The following AGBL4 variants were observed in gnomAD, a reference collection of about 807,000 sequenced individuals.
AGBL4 encodes cytosolic carboxypeptidase 6.
Under a neutral mutation model 66.4 loss-of-function variants are expected in AGBL4, and 58 were observed. The ratio of observed to expected loss-of-function variants is 0.87; its 90% confidence interval spans 0.71 to 1.09. The LOEUF is 1.09. Among genes scored for constraint, AGBL4 ranks in the 50% least tolerant of loss-of-function variants. AGBL4 has a pLI of 0.00. For missense variants in AGBL4, 579 were observed against 631.0 expected (o/e 0.92, Z 0.88); for synonymous variants, 234 against 222.9 (o/e 1.05, Z -0.44).
chr1:49,682,490 T>G (rs891365363), intron 3 of AGBL4, among the ~76,000 whole-genome samples: 9 of 152,222 alleles, frequency 5.9e-5, no homozygotes, highest in African/African-American at 2.2e-4. Context: ...TATCTACTAT[T>G]GAAAAATATT....
intron 3 of AGBL4, among the ~76,000 whole-genome samples, chr1:49,507,255 C>G (rs12133186): frequency 0.094 from 14,304 of 151,984 alleles, 930 homozygotes; most frequent in African/African-American, 0.17. Context: ...GGACCAATTA[C>G]CAGCCATATG....
intron 2 of AGBL4, among the ~76,000 whole-genome samples, chr1:49,760,603 GACAGTGTGGCA>G (rs1652232868): frequency 6.6e-6 from 1 of 152,186 alleles, no homozygotes; most frequent in Non-Finnish European, 1.5e-5. Context: ...CACTGTGGAA[GACAGTGTGGCA>G]ATTCCTTAAG....
intron 1 of AGBL4, among the ~76,000 whole-genome samples, chr1:50,009,667 A>C (rs558076167): frequency 5.3e-5 from 8 of 152,006 alleles, no homozygotes; most frequent in Non-Finnish European, 1.2e-4. Context: ...ACCCAGAGCA[A>C]TCAGACATGA....
intron 1 of AGBL4, among the ~76,000 whole-genome samples, chr1:49,944,661 A>C (rs903044924): frequency 5.9e-5 from 9 of 151,336 alleles, no homozygotes; most frequent in African/African-American, 1.7e-4. Flanking sequence ...TTTAACACCC[A>C]AAAAAAAATT....
chr1:49,086,250 G>A (rs1309533290), intron 4 of AGBL4, among the ~76,000 whole-genome samples: 4 of 152,162 alleles, frequency 2.6e-5, no homozygotes, highest in African/African-American at 7.2e-5. Flanking sequence ...CAGACAATAG[G>A]GTAGGCAACC....
intron 6 of AGBL4, among the ~76,000 whole-genome samples, chr1:48,767,115 C>G (rs1384935573): frequency 6.6e-6 from 1 of 152,122 alleles, no homozygotes; most frequent in African/African-American, 2.4e-5. Context: ...GAGAGGGTGG[C>G]CCAGTATCTA....
At chr1:49,038,748 C>T (rs902786303) in intron 5 of AGBL4, among the ~76,000 whole-genome samples, 2 of 152,040 alleles carry the variant, frequency 1.3e-5, no homozygotes, top group Non-Finnish European at 1.5e-5. Flanking sequence ...TCATTGCTAA[C>T]TGGGAATGTA....
intron 5 of AGBL4, among the ~76,000 whole-genome samples, chr1:48,981,365 T>C (rs1368618039): frequency 6.6e-6 from 1 of 152,218 alleles, no homozygotes; most frequent in Non-Finnish European, 1.5e-5. Context: ...AACTCATTTA[T>C]TTCTCAAAAT....
At chr1:49,480,737 C>A (rs947749403) in intron 3 of AGBL4, among the ~76,000 whole-genome samples, 1 of 151,938 alleles carries the variant, frequency 6.6e-6, no homozygotes, top group Non-Finnish European at 1.5e-5. Flanking sequence ...AATTATATTG[C>A]CATAGTGTCT....
chr1:48,649,640 G>C (rs960368478), intron 8 of AGBL4, among the ~76,000 whole-genome samples: 2 of 152,070 alleles, frequency 1.3e-5, no homozygotes, highest in African/African-American at 4.8e-5. Flanking sequence ...TTAAATTTTA[G>C]AGTGTACTTT....
chr1:48,818,585 C>T (rs919059611), intron 6 of AGBL4, among the ~76,000 whole-genome samples: 13 of 152,252 alleles, frequency 8.5e-5, no homozygotes, highest in Admixed American at 5.2e-4. Context: ...AAAATATGCA[C>T]TTAAACGTTC....
intron 3 of AGBL4, among the ~76,000 whole-genome samples, chr1:49,479,205 G>A (rs1204566930): frequency 6.6e-6 from 1 of 151,876 alleles, no homozygotes; most frequent in Non-Finnish European, 1.5e-5. Context: ...AAAATCAGTT[G>A]CATTTCTGTA....
At chr1:49,839,035 T>C (rs1164569404) in intron 2 of AGBL4, among the ~76,000 whole-genome samples, 2 of 152,218 alleles carry the variant, frequency 1.3e-5, no homozygotes, top group Non-Finnish European at 2.9e-5. Flanking sequence ...ATTTCTTCAA[T>C]TGTGCTTTCC....
chr1:48,618,002 C>T (rs767376894), intron 9 of AGBL4, among the ~76,000 whole-genome samples: 45 of 152,220 alleles, frequency 3.0e-4, no homozygotes, highest in African/African-American at 9.9e-4. Context: ...TCAGAAGAAC[C>T]GAGATTCAAT....
At chr1:49,830,391 T>G (rs1645635273) in intron 2 of AGBL4, among the ~76,000 whole-genome samples, 1 of 152,204 alleles carries the variant, frequency 6.6e-6, no homozygotes, top group Non-Finnish European at 1.5e-5. Flanking sequence ...TTTACATATA[T>G]TAGTTGGCTA....
chr1:50,020,565 G>A (rs1452094017), intron 1 of AGBL4, among the ~76,000 whole-genome samples: 1 of 152,092 alleles, frequency 6.6e-6, no homozygotes, highest in Non-Finnish European at 1.5e-5. Context: ...TTCCTGTAAG[G>A]CAGGGATTTT....
intron 2 of AGBL4, among the ~76,000 whole-genome samples, chr1:49,811,683 G>A (rs1379161863): frequency 6.6e-6 from 1 of 151,954 alleles, no homozygotes; most frequent in Non-Finnish European, 1.5e-5. Flanking sequence ...TCGAACTCCT[G>A]GGCTCAAGCA....
At chr1:49,029,676 G>T (rs185875741) in intron 5 of AGBL4, among the ~76,000 whole-genome samples, 127 of 152,164 alleles carry the variant, frequency 8.3e-4, no homozygotes, top group African/African-American at 2.9e-3. Context: ...AATTGATAAG[G>T]TGATCCTAAA....
chr1:48,790,583 T>G (rs987241499), intron 6 of AGBL4, among the ~76,000 whole-genome samples: 2 of 152,192 alleles, frequency 1.3e-5, no homozygotes, highest in Non-Finnish European at 2.9e-5. Context: ...AGGATGATGA[T>G]TTCCCCAAAG....
Sources: allele counts gnomAD v4.1 joint callset (sites outside exome capture counted in the v4.1 genomes callset), GRCh38; gene constraint gnomAD v4.1.1; transcripts MANE v1.5; gene names NCBI Gene and HGNC (gene_info 2026-07-23, HGNC 2026-07-21).